Variants in FRMD5 observed in about 807,000 individuals in gnomAD.
FRMD5 encodes FERM domain-containing protein 5.
A neutral mutation model predicts 69.0 loss-of-function variants in FRMD5; 20 were observed. That is an observed-to-expected ratio of 0.29 (90% CI 0.20 to 0.42). The LOEUF (loss-of-function observed/expected upper bound fraction) is 0.42, where lower values mean the gene tolerates loss of function less well. Among genes scored for constraint, FRMD5 ranks in the 10% least tolerant of loss-of-function variants. FRMD5 has a pLI of 1.00. For missense variants in FRMD5, 595 were observed against 708.6 expected (o/e 0.84, Z 1.82); for synonymous variants, 271 against 260.1 (o/e 1.04, Z -0.40).
chr15:43,900,619 GT>G (rs1200733106), intron 7 of FRMD5, among the ~76,000 whole-genome samples: 168 of 141,982 alleles, frequency 1.2e-3, no homozygotes, highest in Admixed American at 2.7e-3. Context: ...TTCATTCCTG[GT>G]TTTTTTTTTT....
chr15:44,014,846 A>G (rs1221550913), intron 1 of FRMD5, among the ~76,000 whole-genome samples: 2 of 152,262 alleles, frequency 1.3e-5, no homozygotes, highest in East Asian at 3.8e-4. Context: ...AGCATTAACT[A>G]AACGAGCACA....
intron 1 of FRMD5, among the ~76,000 whole-genome samples, chr15:44,101,752 G>C (rs948436924): frequency 6.6e-6 from 1 of 152,178 alleles, no homozygotes; most frequent in Non-Finnish European, 1.5e-5. Context: ...TCTAGGGATG[G>C]AGCCTGTTAC....
At chr15:43,883,225 G>A (rs886083540) in intron 13 of FRMD5, among the ~76,000 whole-genome samples, 3 of 151,390 alleles carry the variant, frequency 2.0e-5, no homozygotes, top group East Asian at 1.9e-4. Flanking sequence ...TCAGCCCCCC[G>A]AGTAGCTGGG....
intron 1 of FRMD5, among the ~76,000 whole-genome samples, chr15:44,039,858 G>C (rs976883082): frequency 6.6e-6 from 1 of 151,930 alleles, no homozygotes; most frequent in Non-Finnish European, 1.5e-5. Flanking sequence ...TTCAGAAGGC[G>C]GGTAATAACA....
chr15:44,177,892 A>T (rs1207982707), intron 1 of FRMD5, among the ~76,000 whole-genome samples: 1 of 152,226 alleles, frequency 6.6e-6, no homozygotes, highest in Non-Finnish European at 1.5e-5. Flanking sequence ...AAGGGGCATA[A>T]GAGAAATTTA....
In FRMD5 at chr15:43,885,534, G is replaced by C. The variant is rs1186183907; in HGVS notation, c.959+147C>G. On this transcript the variant is annotated intron_variant, in intron 11 of 13. Transcript: ENST00000417257. ...GTAGGGAAGGAAGGAAATAGTAAAA[G>C]GGTCATAAGATGGGAGAATTAGATG... The C allele has an allele frequency of 2.8e-5, 19 of 675,416 alleles. 1 individual carries two copies. In the Admixed American group the frequency reaches 4.5e-4, roughly 16 times the overall value. The allele number at this position is 675,416 out of a possible 1,614,324, so 41.8% of individuals were successfully genotyped here.
chr15:43,908,816 C>T (rs2089230286), intron 5 of FRMD5, among the ~76,000 whole-genome samples: 1 of 152,176 alleles, frequency 6.6e-6, no homozygotes, highest in Admixed American at 6.5e-5. Context: ...AGGAAATGTG[C>T]TTGTTACTTG....
At chr15:44,119,283 C>T (rs573892892) in intron 1 of FRMD5, among the ~76,000 whole-genome samples, 3 of 152,206 alleles carry the variant, frequency 2.0e-5, no homozygotes, top group African/African-American at 7.2e-5. Flanking sequence ...AAATCACACT[C>T]ATTAATTTAT....
At chr15:44,064,580 C>T (rs749288900) in intron 1 of FRMD5, among the ~76,000 whole-genome samples, 5 of 152,134 alleles carry the variant, frequency 3.3e-5, no homozygotes, top group Non-Finnish European at 5.9e-5. Context: ...CAAGAGTGAA[C>T]TCTGTCTCAA....
chr15:44,137,869 T>A (rs1258536383), intron 1 of FRMD5, among the ~76,000 whole-genome samples: 1 of 152,070 alleles, frequency 6.6e-6, no homozygotes, highest in Non-Finnish European at 1.5e-5. Flanking sequence ...GGCACATTGC[T>A]TAAAGCCAGG....
chr15:44,108,247 T>C (rs1389081880), intron 1 of FRMD5, among the ~76,000 whole-genome samples: 1 of 152,188 alleles, frequency 6.6e-6, no homozygotes, highest in Non-Finnish European at 1.5e-5. Flanking sequence ...GGTGCACACC[T>C]GTAGTCACAG....
chr15:43,979,900 G>A (rs562847579), intron 1 of FRMD5, among the ~76,000 whole-genome samples: 10 of 152,250 alleles, frequency 6.6e-5, no homozygotes, highest in South Asian at 6.2e-4. Context: ...GAAGTCGGGC[G>A]ATGCTGTGAA....
At chr15:44,080,075 A>G (rs1223216718) in intron 1 of FRMD5, among the ~76,000 whole-genome samples, 3 of 152,154 alleles carry the variant, frequency 2.0e-5, no homozygotes, top group Admixed American at 6.6e-5. Flanking sequence ...ACTGTACTTT[A>G]TACCTAAAAA....
intron 1 of FRMD5, 150 bp from the exon 2 acceptor site, chr15:43,924,459 C>T (rs1432229052): frequency 3.2e-6 from 2 of 619,038 alleles, no homozygotes; most frequent in Non-Finnish European, 5.7e-6. Flanking sequence ...CATTGTGATA[C>T]ATCACTCACT....
At chr15:43,946,261 C>G (rs1045041288) in intron 1 of FRMD5, among the ~76,000 whole-genome samples, 4 of 152,164 alleles carry the variant, frequency 2.6e-5, no homozygotes, top group Non-Finnish European at 4.4e-5. Context: ...GTTAGCCATG[C>G]AACTACAGGA....
chr15:44,099,263 C>T (rs2076602320), intron 1 of FRMD5, among the ~76,000 whole-genome samples: 1 of 152,144 alleles, frequency 6.6e-6, no homozygotes, highest in Admixed American at 6.5e-5. Context: ...GCATGCAAAC[C>T]ACCTGAGGAT....
intron 1 of FRMD5, among the ~76,000 whole-genome samples, chr15:43,953,110 C>T (rs1339545353): frequency 6.6e-6 from 1 of 152,146 alleles, no homozygotes; most frequent in African/African-American, 2.4e-5. Flanking sequence ...CCTTGAGCTG[C>T]CCCAGGGGCT....
intron 6 of FRMD5, 64 bp from the exon 7 acceptor site, chr15:43,902,326 C>T: frequency 7.6e-6 from 10 of 1,323,028 alleles, no homozygotes; most frequent in Non-Finnish European, 1.1e-5. Flanking sequence ...CTGAGGTAAA[C>T]TCTCTATGAA....
chr15:44,134,782 C>T (rs2077157758), intron 1 of FRMD5, among the ~76,000 whole-genome samples: 1 of 152,072 alleles, frequency 6.6e-6, no homozygotes, highest in Admixed American at 6.6e-5. Context: ...TCAGTGATAG[C>T]CTTTCTGAGA....
Sources: allele counts gnomAD v4.1 joint callset (sites outside exome capture counted in the v4.1 genomes callset), GRCh38; gene constraint gnomAD v4.1.1; transcripts MANE v1.5; gene names NCBI Gene and HGNC (gene_info 2026-07-23, HGNC 2026-07-21).